CLOCK: variants seen among roughly 807,000 people sequenced by gnomAD.
CLOCK encodes the protein circadian locomoter output cycles protein kaput.
A neutral mutation model predicts 118.4 loss-of-function variants in CLOCK; 43 were observed. The observed-to-expected ratio is 0.36, with a 90% confidence interval of 0.28 to 0.47. The LOEUF is 0.47. Among genes scored for constraint, CLOCK ranks in the 20% least tolerant of loss-of-function variants. The pLI is 1.00. For missense variants in CLOCK, 846 were observed against 999.9 expected (o/e 0.85, Z 2.08); for synonymous variants, 326 against 339.2 (o/e 0.96, Z 0.43).
At chr4:55,476,310 T>C (rs925395240) in intron 6 of CLOCK, among the ~76,000 whole-genome samples, 1 of 152,184 alleles carries the variant, frequency 6.6e-6, no homozygotes, top group Non-Finnish European at 1.5e-5. Flanking sequence ...GATAGTTATG[T>C]TGCTGATGGG....
At position 55,434,291 on chromosome 4, in the gene CLOCK, G is replaced by C. The variant is rs997463294; in HGVS notation, c.*1124C>G. 2 of 152,514 alleles carry C rather than the reference G, an allele frequency of 1.3e-5. No individual in the cohort carries two copies. Among genetic ancestry groups the C allele is most frequent in the African/African-American group, 2.4e-5 (1 of 41,424 alleles). 9.4% of individuals were successfully genotyped at this position (152,514 alleles called of 1,614,324 possible). On this transcript the variant is annotated 3_prime_UTR_variant, in exon 23 of 23. Coordinates refer to ENST00000513440, the MANE Select transcript of CLOCK (RefSeq NM_004898.4). Reference sequence around the variant, plus strand: ...TGAAATTGTGAAGGATAATAAAAAAGATTTCAACAAATCCCAAAAGTTAAA... The same window carrying C: ...TGAAATTGTGAAGGATAATAAAAAACATTTCAACAAATCCCAAAAGTTAAA...
At chr4:55,534,441 A>G (rs1049353225) in intron 1 of CLOCK, among the ~76,000 whole-genome samples, 1 of 152,212 alleles carries the variant, frequency 6.6e-6, no homozygotes, top group African/African-American at 2.4e-5. Context: ...CACACAGTCT[A>G]TGTGCTGTTG....
chr4:55,435,438 G>C lies in CLOCK; in HGVS notation c.2518C>G (p.Pro840Ala), dbSNP rs1722801402. 3 of 1,614,006 alleles carry C rather than the reference G, an allele frequency of 1.9e-6. No homozygotes were observed. In the South Asian group the frequency reaches 3.3e-5, roughly 18 times the overall value. ...SRHRTDSLPD[P>A]SKVQPQ ...TGCTACTGTGGTTGAACCTTGGAAG[G>C]GTCGGGCAAGCTGTCAGTCCTGTGC... The change falls in exon 23 of 23, where the codon CCT (proline) becomes GCT (alanine). Residue 840 changes from proline to alanine, a missense_variant. Physicochemically the swap from Pro to Ala is conservative, Grantham distance 27. Transcript: ENST00000513440.
chr4:55,448,649 T>TGGG (rs1160712053), intron 18 of CLOCK, 130 bp downstream of exon 18: 2 of 521,562 alleles, frequency 3.8e-6, no homozygotes, highest in Non-Finnish European at 7.3e-6. Flanking sequence ...TGTGTGCTCC[T>TGGG]ACCTCAGCCT....
At chr4:55,546,311 C>T (rs1330911112) in intron 1 of CLOCK, among the ~76,000 whole-genome samples, 1 of 152,150 alleles carries the variant, frequency 6.6e-6, no homozygotes, top group African/African-American at 2.4e-5. Context: ...ACCCCAGCTG[C>T]CCCAGAGGGC....
At chr4:55,456,138 A>C in intron 12 of CLOCK, 80 bp downstream of exon 12, 2 of 1,343,658 alleles carry the variant, frequency 1.5e-6, no homozygotes, top group Non-Finnish European at 2.1e-6. Flanking sequence ...ATTTAAAAAA[A>C]AGTTTGCCCT....
chr4:55,541,747 T>G (rs1447021193), intron 1 of CLOCK, among the ~76,000 whole-genome samples: 2 of 152,134 alleles, frequency 1.3e-5, no homozygotes, highest in African/African-American at 2.4e-5. Context: ...GTATTATAAT[T>G]ATCAAATAAA....
At chr4:55,456,104 A>C (rs1724905456) in intron 12 of CLOCK, 101 bp from the exon 13 acceptor site, 10 of 1,345,912 alleles carry the variant, frequency 7.4e-6, no homozygotes, top group Non-Finnish European at 9.3e-6. Context: ...TTTTCAAAAA[A>C]TGGGAACAGG....
intron 1 of CLOCK, among the ~76,000 whole-genome samples, chr4:55,528,842 T>G (rs1730362742): frequency 6.6e-6 from 1 of 152,222 alleles, no homozygotes; most frequent in Non-Finnish European, 1.5e-5. Flanking sequence ...CTGGTGTCAA[T>G]GTCAGTATCT....
chr4:55,476,470 GAGGTCACT>G (rs1478674336), intron 6 of CLOCK, among the ~76,000 whole-genome samples: 1 of 152,166 alleles, frequency 6.6e-6, no homozygotes, highest in Non-Finnish European at 1.5e-5. Flanking sequence ...AAAGGCCAAA[GAGGTCACT>G]AGGTTTGCTT....
intron 1 of CLOCK, among the ~76,000 whole-genome samples, chr4:55,544,980 C>T (rs1000382298): frequency 4.0e-5 from 6 of 151,648 alleles, no homozygotes; most frequent in Admixed American, 2.0e-4. Flanking sequence ...ACGTAGAAAG[C>T]TTCCTTATTC....
Position 55,465,185 on chromosome 4 carries a change from G to A in CLOCK, c.439-1380C>T, listed in dbSNP as rs573957872. The stretch of plus-strand genomic sequence containing the variant: ...ACTGAATACGTGCATTTTTCTAATC[G>A]TTCCCTAAACACTATAGTATAACAC... On this transcript the variant is annotated intron_variant, in intron 8 of 22. Coordinates refer to ENST00000513440, the MANE Select transcript of CLOCK (RefSeq NM_004898.4). 4.6e-5 allele frequency among the ~76,000 whole-genome samples: 7 copies of A among 152,198 alleles called. 1 individual carries two copies. Among genetic ancestry groups the A allele is most frequent in the Admixed American group, 1.3e-4 (2 of 15,284 alleles).
At chr4:55,525,898 GT>G (rs1730152729) in intron 1 of CLOCK, among the ~76,000 whole-genome samples, 1 of 150,928 alleles carries the variant, frequency 6.6e-6, no homozygotes, top group Non-Finnish European at 1.5e-5. Flanking sequence ...AAATTCCAGT[GT>G]GTACTGATGG....
At chr4:55,469,404 A>G (rs147329492) in intron 8 of CLOCK, among the ~76,000 whole-genome samples, 2 of 152,222 alleles carry the variant, frequency 1.3e-5, no homozygotes, top group East Asian at 3.9e-4. Flanking sequence ...ACTTATATAT[A>G]TATTTTTAAG....
intron 8 of CLOCK, among the ~76,000 whole-genome samples, chr4:55,466,039 T>C (rs1725715670): frequency 6.6e-6 from 1 of 152,122 alleles, no homozygotes. Context: ...AAATATAGTA[T>C]ATGATATTGA....
chr4:55,456,084 G>A, intron 12 of CLOCK, 81 bp from the exon 13 acceptor site: 1 of 1,227,514 alleles, frequency 8.1e-7, no homozygotes, highest in Non-Finnish European at 1.2e-6. Flanking sequence ...CTTTGGGGGG[G>A]GGGCTTTATT....
At chr4:55,459,082 T>G in intron 10 of CLOCK, 66 bp downstream of exon 10, 1 of 1,469,636 alleles carries the variant, frequency 6.8e-7, no homozygotes, top group South Asian at 1.1e-5. Context: ...TTCAAACATC[T>G]ATGTCTTTAA....
intron 8 of CLOCK, among the ~76,000 whole-genome samples, chr4:55,470,261 C>T (rs1202339350): frequency 1.3e-5 from 2 of 152,050 alleles, no homozygotes; most frequent in Non-Finnish European, 2.9e-5. Context: ...ACCTTTGAGA[C>T]TGTACTTTTT....
intron 7 of CLOCK, 148 bp from the exon 8 acceptor site, chr4:55,470,954 T>C: frequency 6.4e-6 from 4 of 625,018 alleles, no homozygotes; most frequent in African/African-American, 1.8e-5. Flanking sequence ...CCCTTTACAA[T>C]ACCTTGGTAT....
Sources: gnomAD v4.1 joint callset for allele counts (sites outside exome capture counted in the v4.1 genomes callset) on GRCh38, gnomAD v4.1.1 for gene constraint, MANE v1.5 for transcripts, NCBI Gene and HGNC (gene_info 2026-07-23, HGNC 2026-07-21) for gene names.